Variants in ENTPD4 observed in about 807,000 individuals in gnomAD.
ENTPD4 encodes the protein Golgi UDPase.
ENTPD4 carries 60 observed loss-of-function variants against 79.1 expected under a neutral mutation model. That is an observed-to-expected ratio of 0.76 (90% CI 0.62 to 0.94). ENTPD4 has a LOEUF of 0.94. ENTPD4 is among the 40% of genes least tolerant of loss of function. ENTPD4 has a pLI of 0.00. For synonymous variants in ENTPD4, 276 were observed against 292.0 expected, an observed-to-expected ratio of 0.95 and a Z score of 0.56; for missense variants, 772 against 775.1, an observed-to-expected ratio of 1.00 and a Z score of 0.05.
chr8:23,439,005 A>C (rs941959140), intron 9 of ENTPD4, among the ~76,000 whole-genome samples: 4 of 152,248 alleles, frequency 2.6e-5, no homozygotes, highest in African/African-American at 9.6e-5. Flanking sequence ...TAAACAAATA[A>C]AACACAGTAA....
rs776430787 is a variant in ENTPD4, at chr8:23,433,053, A to AG, written c.1723dup (p.Leu575ProfsTer108). The AG allele has an allele frequency of 6.2e-7, 1 of 1,614,208 alleles. No homozygotes were observed. The highest frequency in any genetic ancestry group is 8.5e-7 in the Non-Finnish European group (1 of 1,180,048). ...CAGCAGGTACAGCAGGATGGCCAGCAGCACCACCAGGAAGCAGCCAGAGAA... is the reference window on the plus strand; with the variant it reads ...CAGCAGGTACAGCAGGATGGCCAGCAGGCACCACCAGGAAGCAGCCAGAGAA... On this transcript the variant is annotated frameshift_variant, in exon 13 of 13. Transcript: ENST00000358689. LOFTEE classifies it high-confidence loss of function.
Position 23,434,984 on chromosome 8 carries a change from A to G in ENTPD4, c.1460+408T>C, listed in dbSNP as rs1585400341. The stretch of plus-strand genomic sequence containing the variant: ...CTGCACTTAAGTGACTTACAATGAA[A>G]GGGGATTTTTAAAAAGCAACAGAAA... On this transcript the variant is annotated intron_variant, in intron 11 of 12. Transcript: ENST00000358689. 7.9e-5 allele frequency among the ~76,000 whole-genome samples: 12 copies of G among 152,346 alleles called. No homozygotes were observed. The South Asian group carries it at 2.5e-3, about 32-fold the overall frequency.
At chr8:23,436,498 T>C (rs1800563452) in intron 10 of ENTPD4, among the ~76,000 whole-genome samples, 1 of 152,044 alleles carries the variant, frequency 6.6e-6, no homozygotes, top group Non-Finnish European at 1.5e-5. Context: ...ACCCTGAATA[T>C]GGATGAGACC....
chr8:23,454,669 C>T (rs1345752481), intron 1 of ENTPD4, among the ~76,000 whole-genome samples: 3 of 151,464 alleles, frequency 2.0e-5, no homozygotes, highest in Admixed American at 6.6e-5. Flanking sequence ...ATGATCACAG[C>T]GCACTTAGGA....
intron 1 of ENTPD4, among the ~76,000 whole-genome samples, chr8:23,456,000 G>A (rs961169887): frequency 2.0e-5 from 3 of 152,108 alleles, no homozygotes; most frequent in African/African-American, 7.2e-5. Context: ...ATCTCTTGGC[G>A]ACTCACCCAC....
chr8:23,447,186 T>C (rs1046346713), intron 4 of ENTPD4, among the ~76,000 whole-genome samples: 1 of 152,216 alleles, frequency 6.6e-6, no homozygotes, highest in African/African-American at 2.4e-5. Context: ...AATTACAGTA[T>C]CTTTAAAAAC....
At chr8:23,453,722 G>C (rs1461922280) in intron 1 of ENTPD4, among the ~76,000 whole-genome samples, 2 of 152,094 alleles carry the variant, frequency 1.3e-5, no homozygotes, top group Admixed American at 6.5e-5. Flanking sequence ...GGGGTACTGG[G>C]GTGACACACA....
At position 23,429,478 on chromosome 8, in the gene ENTPD4, G is replaced by C. The variant is rs576677774; in HGVS notation, c.*3448C>G. 14 of 985,216 alleles carry C rather than the reference G, an allele frequency of 1.4e-5. No homozygotes were observed. The African/African-American group carries it at 2.3e-4, about 16-fold the overall frequency. 61.0% of individuals were successfully genotyped at this position (985,216 alleles called of 1,614,324 possible). On this transcript the variant is annotated 3_prime_UTR_variant, in exon 13 of 13. Coordinates refer to ENST00000358689, the MANE Select transcript of ENTPD4 (RefSeq NM_004901.5). The stretch of plus-strand genomic sequence containing the variant: ...AAATAACTAAGTAATTTACTGAAAG[G>C]TAGTTTTGTTGCATTGCACACAACT...
chr8:23,441,792 CCTT>C (rs1800676452), intron 7 of ENTPD4, 69 bp from the exon 8 acceptor site: 1 of 1,529,910 alleles, frequency 6.5e-7, no homozygotes, highest in Non-Finnish European at 8.9e-7. Context: ...TGAAGAGTCA[CCTT>C]CTTTTCATGG....
Position 23,437,071 on chromosome 8 carries a change from G to A in ENTPD4, c.1237C>T (p.Leu413Phe), listed in dbSNP as rs1800577014. ...MNKTNETQTS[L>F]NGVYQPPIHF... ...ATTGGGGGCTGGTAGACCCCATTGAGGGAAGTCTGGGTCTCGTTTGTTTTA... is the reference window on the plus strand; with the variant it reads ...ATTGGGGGCTGGTAGACCCCATTGAAGGAAGTCTGGGTCTCGTTTGTTTTA... The change falls in exon 10 of 13, where the codon CTC (leucine) becomes TTC (phenylalanine). Residue 413 changes from leucine (L) to phenylalanine (F), a missense_variant. By Grantham distance (22) the Leu-to-Phe change is conservative (BLOSUM62 0). Transcript: ENST00000358689. 1 of 1,614,204 alleles carries A rather than the reference G, an allele frequency of 6.2e-7. No individual in the cohort carries two copies. Among genetic ancestry groups the A allele is most frequent in the Non-Finnish European group, 8.5e-7 (1 of 1,180,036 alleles).
rs1800484154 is a variant in ENTPD4, at chr8:23,432,972, C to T, written c.1805G>A (p.Trp602Ter). 2 of 1,613,082 alleles carry T rather than the reference C, an allele frequency of 1.2e-6. No individual in the cohort carries two copies. The highest frequency in any genetic ancestry group is 1.7e-6 in the Non-Finnish European group (2 of 1,179,532). ...TPRSSSAAAL[W>*]MEEGLPAQNA... ...CTGGGCGGGAAGGCCCTCCTCCATC[C>T]AGAGGGCGGCGGCCGAGCTGCTCCG... Residue 602 changes from tryptophan (W) to a stop codon, truncating the protein, a stop_gained, in exon 13 of 13, where the codon TGG (tryptophan) becomes TAG (stop). Coordinates refer to ENST00000358689, the MANE Select transcript of ENTPD4 (RefSeq NM_004901.5). LOFTEE classifies it high-confidence loss of function.
At chr8:23,455,542 T>C (rs954015992) in intron 1 of ENTPD4, among the ~76,000 whole-genome samples, 7 of 152,236 alleles carry the variant, frequency 4.6e-5, no homozygotes, top group Admixed American at 2.0e-4. Flanking sequence ...TGTAGTTGCA[T>C]TTATGATCTG....
chr8:23,444,436 GCCCTT>G lies in ENTPD4; in HGVS notation c.563+15_563+19del. 2 of 1,610,558 alleles carry G rather than the reference GCCCTT, an allele frequency of 1.2e-6. No homozygotes were observed. Among genetic ancestry groups the G allele is most frequent in the Non-Finnish European group, 1.7e-6 (2 of 1,177,386 alleles). The stretch of plus-strand genomic sequence containing the variant: ...CCTCCAGGAACCCACCCTCACCCTT[GCCCTT>G]CTGTGGAGGATCACCTTTCGGGGAG... On this transcript the variant is annotated intron_variant, in intron 5 of 12. Transcript: ENST00000358689.
rs1800447593 is a variant in ENTPD4, at chr8:23,431,124, T to G, written c.*1802A>C. 2.5e-6 allele frequency: 1 copy of G among 407,324 alleles called. No homozygotes were observed. The highest frequency in any genetic ancestry group is 2.2e-5 in the African/African-American group (1 of 45,834). 25.2% of individuals were successfully genotyped at this position (407,324 alleles called of 1,614,324 possible). On this transcript the variant is annotated 3_prime_UTR_variant, in exon 13 of 13. Transcript: ENST00000358689. ...CACCTGAGGCAGTTTGAGCCACAACTGGGACAGAATTCCCTTGGTCTTCTC... is the reference window on the plus strand; with the variant it reads ...CACCTGAGGCAGTTTGAGCCACAACGGGGACAGAATTCCCTTGGTCTTCTC...
At chr8:23,434,640 A>G in intron 11 of ENTPD4, 162 bp from the exon 12 acceptor site, 1 of 1,443,944 alleles carries the variant, frequency 6.9e-7, no homozygotes, top group Non-Finnish European at 9.1e-7. Context: ...AGGTTGATGT[A>G]CTTGCTTCAC....
At chr8:23,456,286 C>A (rs1006879342) in intron 1 of ENTPD4, among the ~76,000 whole-genome samples, 1 of 152,238 alleles carries the variant, frequency 6.6e-6, no homozygotes, top group African/African-American at 2.4e-5. Flanking sequence ...CATTTACTAA[C>A]AGCACTTCCT....
At chr8:23,451,568 C>G (rs1013995008) in intron 1 of ENTPD4, among the ~76,000 whole-genome samples, 1 of 152,186 alleles carries the variant, frequency 6.6e-6, no homozygotes, top group Non-Finnish European at 1.5e-5. Flanking sequence ...CAGATTACTT[C>G]TGTACTCAGA....
chr8:23,442,649 C>T (rs1243919028), intron 6 of ENTPD4, among the ~76,000 whole-genome samples: 1 of 151,510 alleles, frequency 6.6e-6, no homozygotes, highest in Non-Finnish European at 1.5e-5. Context: ...TGCCACTGCA[C>T]TCCAGCCTGG....
chr8:23,437,360 G>A lies in ENTPD4; in HGVS notation c.1050-102C>T, dbSNP rs558627533. On this transcript the variant is annotated intron_variant, in intron 9 of 12. Coordinates refer to ENST00000358689, the MANE Select transcript of ENTPD4 (RefSeq NM_004901.5). ...TCTCAAAATACGCTCTGTGGGACAT[G>A]AGACCTGCAGGACCGTGTCTGTGGA... 1.7e-4 allele frequency: 141 copies of A among 807,170 alleles called. No individual in the cohort carries two copies. In the African/African-American group the frequency reaches 2.3e-3, roughly 13 times the overall value. The allele number at this position is 807,170 out of a possible 1,614,324, so 50.0% of individuals were successfully genotyped here.
Sources: gnomAD v4.1 joint callset for allele counts (sites outside exome capture counted in the v4.1 genomes callset) on GRCh38, gnomAD v4.1.1 for gene constraint, MANE v1.5 for transcripts, NCBI Gene and HGNC (gene_info 2026-07-23, HGNC 2026-07-21) for gene names.